The following ZNF592 variants were observed in gnomAD, a reference collection of about 807,000 sequenced individuals.
ZNF592 encodes spinocerebellar ataxia, autosomal recessive 5.
A neutral mutation model predicts 80.3 loss-of-function variants in ZNF592; 11 were observed. The ratio of observed to expected loss-of-function variants is 0.14; its 90% CI spans 0.09 to 0.23. ZNF592 has a LOEUF of 0.23. ZNF592 is among the 10% of genes least tolerant of loss of function. The pLI is 1.00. For missense variants in ZNF592, 1,420 were observed against 1,633.9 expected, an observed-to-expected ratio of 0.87 and a Z score of 2.26; for synonymous variants, 646 against 640.3, an observed-to-expected ratio of 1.01 and a Z score of -0.13.
chr15:84,798,021 C>G lies in ZNF592; in HGVS notation c.2552C>G (p.Pro851Arg), dbSNP rs1404021467. 1.9e-6 allele frequency: 3 copies of G among 1,614,024 alleles called. No homozygotes were observed. The Middle Eastern group carries it at 5.0e-4, about 266-fold the overall frequency. Residue 851 changes from proline to arginine, a missense_variant, in exon 6 of 11, where the codon CCC (proline) becomes CGC (arginine). By Grantham distance (103) the Pro-to-Arg change is moderately radical. Transcript: ENST00000560079. This position sits in a 1 kb window ranked among gnomAD's most constrained non-coding sequence, Gnocchi z 4.5. ...GCAGACCACAGTGCCACCCAGCACC[C>G]CACCCAGCCCCACAGACCCTCCCAG... ...STADHSATQH[P>R]TQPHRPSQLI...
At position 84,799,225 on chromosome 15, in the gene ZNF592, A is replaced by T. The variant is rs1567078236; in HGVS notation, c.3137+15A>T. 4.3e-6 allele frequency: 7 copies of T among 1,612,944 alleles called. No individual in the cohort carries two copies. The South Asian group carries it at 6.6e-5, about 15-fold the overall frequency. ...TACACCTGCGGGTGAGTCCCTGGGGATAGTAGTGAGGAGGCCTGAGGTTCA... is the reference window on the plus strand; with the variant it reads ...TACACCTGCGGGTGAGTCCCTGGGGTTAGTAGTGAGGAGGCCTGAGGTTCA... On this transcript the variant is annotated intron_variant, in intron 9 of 10. Transcript: ENST00000560079. The surrounding 1 kb of genome is among the most constrained non-coding windows in gnomAD (Gnocchi z 4.2).
intron 2 of ZNF592, among the ~76,000 whole-genome samples, chr15:84,777,914 AGT>A (rs1270401318): frequency 5.9e-5 from 9 of 151,886 alleles, no homozygotes; most frequent in Non-Finnish European, 1.2e-4. Flanking sequence ...GTTAGCCAGG[AGT>A]CTCCAACTCG....
rs1567077478 is a variant in ZNF592 at position 84,798,435 on chromosome 15, C to G, written c.2697C>G (p.Leu899=). 3.1e-6 allele frequency: 5 copies of G among 1,614,122 alleles called. No homozygotes were observed. Among genetic ancestry groups the G allele is most frequent in the Middle Eastern group, 1.6e-4 (1 of 6,062 alleles). ...VGVFKCPECP[L]LFVQKPELMQ... Reference sequence around the variant, plus strand: ...TCTTCAAGTGCCCTGAGTGCCCACTCTTGTTCGTGCAGAAGCCGGAGTTGA... The same window carrying G: ...TCTTCAAGTGCCCTGAGTGCCCACTGTTGTTCGTGCAGAAGCCGGAGTTGA... Residue 899 remains leucine (L), a synonymous_variant, in exon 7 of 11, where the codon CTC becomes CTG. Coordinates refer to ENST00000560079, the MANE Select transcript of ZNF592 (RefSeq NM_014630.3). This position sits in a 1 kb window ranked among gnomAD's most constrained non-coding sequence, Gnocchi z 4.5.
intron 10 of ZNF592, among the ~76,000 whole-genome samples, chr15:84,801,229 G>A (rs2141527890): frequency 6.6e-6 from 1 of 152,344 alleles, no homozygotes; most frequent in Middle Eastern, 3.4e-3. Flanking sequence ...GGAGGCTGAG[G>A]TGGGAGGATC....
intron 4 of ZNF592, among the ~76,000 whole-genome samples, chr15:84,788,038 G>A (rs12595321): frequency 0.42 from 63,515 of 151,860 alleles, 13,386 homozygotes; most frequent in East Asian, 0.55. Flanking sequence ...ACTTCCTCAT[G>A]CAGGGAATTT....
chr15:84,802,679 T>C lies in ZNF592; in HGVS notation c.*286T>C, dbSNP rs1038847437. The C allele has an allele frequency of 1.4e-5, 7 of 491,960 alleles. No homozygotes were observed. Among genetic ancestry groups the C allele is most frequent in the Non-Finnish European group, 2.2e-5 (6 of 268,648 alleles). 30.5% of individuals were successfully genotyped at this position (491,960 alleles called of 1,614,324 possible). A position where few individuals can be genotyped will look rare whatever the true frequency, so the allele number is the denominator to read the frequency against. The stretch of plus-strand genomic sequence containing the variant: ...TGTCCTTCCAACCCCAAGCTGCTTA[T>C]GTGGCCCAACCCCACTGCTGTCAAC... On this transcript the variant is annotated 3_prime_UTR_variant, in exon 11 of 11. Coordinates refer to ENST00000560079, the MANE Select transcript of ZNF592 (RefSeq NM_014630.3).
rs1345694967 is a variant in ZNF592 at position 84,783,270 on chromosome 15, C to G, written c.595C>G (p.His199Asp). 1 of 1,614,170 alleles carries G rather than the reference C, an allele frequency of 6.2e-7. No homozygotes were observed. The highest frequency in any genetic ancestry group is 1.3e-5 in the African/African-American group (1 of 75,038). The change falls in exon 4 of 11, where the codon CAT becomes GAT. Residue 199 changes from histidine (H) to aspartate (D), a missense_variant. Coordinates refer to ENST00000560079, the MANE Select transcript of ZNF592 (RefSeq NM_014630.3). The surrounding 1 kb of genome is among the most constrained non-coding windows in gnomAD (Gnocchi z 5.0). ...GGTTCCAGAGCTGCATATGTTTGAT[C>G]ATTTTTGTAAGAAAGAACCCAAGCC... ...FPVPELHMFD[H>D]FCKKEPKPEP...
intron 2 of ZNF592, 57 bp downstream of exon 2, chr15:84,764,872 G>GA: frequency 5.1e-6 from 2 of 392,026 alleles, no homozygotes; most frequent in Non-Finnish European, 8.9e-6. Flanking sequence ...TTGAACATGA[G>GA]ATTTTTTTGT....
chr15:84,756,415 C>T (rs1008954709), intron 1 of ZNF592, among the ~76,000 whole-genome samples: 2 of 152,196 alleles, frequency 1.3e-5, no homozygotes, highest in Non-Finnish European at 1.5e-5. Flanking sequence ...AGCCAAAGGG[C>T]AGAGTGAGAC....
chr15:84,761,262 G>C (rs771656243), intron 1 of ZNF592, among the ~76,000 whole-genome samples: 13 of 152,144 alleles, frequency 8.5e-5, no homozygotes, highest in Admixed American at 8.5e-4. Flanking sequence ...CACCATGCCC[G>C]GCCCAGGGAG....
chr15:84,772,682 C>T (rs1371974936), intron 2 of ZNF592, among the ~76,000 whole-genome samples: 2 of 152,198 alleles, frequency 1.3e-5, no homozygotes, highest in Non-Finnish European at 2.9e-5. Context: ...TGTGAAACAT[C>T]CATCCTTCCT....
chr15:84,802,001 G>C lies in ZNF592; in HGVS notation c.3412G>C (p.Glu1138Gln). The C allele has an allele frequency of 6.2e-7, 1 of 1,613,930 alleles. No homozygotes were observed. The highest frequency in any genetic ancestry group is 8.5e-7 in the Non-Finnish European group (1 of 1,179,864). ...KCSFATDSGL[E>Q]FQSHIPQHQV... ...TAGTTTTGCCACAGACTCGGGGCTCGAGTTTCAGAGCCACATACCTCAGCA... is the reference window on the plus strand; with the variant it reads ...TAGTTTTGCCACAGACTCGGGGCTCCAGTTTCAGAGCCACATACCTCAGCA... Residue 1138 changes from glutamate to glutamine, a missense_variant, in exon 11 of 11, where the codon GAG (glutamate) becomes CAG (glutamine). Coordinates refer to ENST00000560079, the MANE Select transcript of ZNF592 (RefSeq NM_014630.3).
Position 84,799,010 on chromosome 15 carries a change from C to T in ZNF592, c.3025-88C>T. 6.3e-7 allele frequency: 1 copy of T among 1,593,248 alleles called. No homozygotes were observed. Among genetic ancestry groups the T allele is most frequent in the Non-Finnish European group, 8.6e-7 (1 of 1,161,634 alleles). On this transcript the variant is annotated intron_variant, in intron 8 of 10. Coordinates refer to ENST00000560079, the MANE Select transcript of ZNF592 (RefSeq NM_014630.3). The surrounding 1 kb of genome is among the most constrained non-coding windows in gnomAD (Gnocchi z 4.2). ...TCTTGAGGTCTTCGGGAGTATCCTC[C>T]TTTCTGCCCATGGCATCTGAGAAGA...
intron 4 of ZNF592, among the ~76,000 whole-genome samples, chr15:84,788,057 A>G (rs28479670): frequency 0.018 from 2,767 of 152,090 alleles, 45 homozygotes; most frequent in African/African-American, 0.04. Flanking sequence ...TTTTTCCTCC[A>G]TATCCCATAT....
chr15:84,799,797 C>G lies in ZNF592; in HGVS notation c.3138-45C>G, dbSNP rs757232139. The G allele has an allele frequency of 1.9e-6, 3 of 1,611,704 alleles. No individual in the cohort carries two copies. Among genetic ancestry groups the G allele is most frequent in the Admixed American group, 3.3e-5 (2 of 60,020 alleles). On this transcript the variant is annotated intron_variant, in intron 9 of 10. Transcript: ENST00000560079. The surrounding 1 kb of genome is among the most constrained non-coding windows in gnomAD (Gnocchi z 4.2). The stretch of plus-strand genomic sequence containing the variant: ...TTGGTGTGAATAGCACTGAGGGAGC[C>G]TGCGGCCCGGGCACTTACCTGACCT...
intron 2 of ZNF592, among the ~76,000 whole-genome samples, chr15:84,777,104 AT>A (rs1297178553): frequency 6.6e-5 from 10 of 152,082 alleles, no homozygotes; most frequent in African/African-American, 2.2e-4. Flanking sequence ...AGCTCCTTAA[AT>A]TTTTTGGCCT....
chr15:84,758,997 T>C (rs1899265318), intron 1 of ZNF592, among the ~76,000 whole-genome samples: 2 of 152,164 alleles, frequency 1.3e-5, no homozygotes, highest in Admixed American at 1.3e-4. Flanking sequence ...GCCAATTCAG[T>C]TACAGTAGAT....
intron 1 of ZNF592, among the ~76,000 whole-genome samples, chr15:84,761,784 C>T (rs1055356487): frequency 2.0e-5 from 3 of 152,218 alleles, no homozygotes; most frequent in African/African-American, 7.2e-5. Flanking sequence ...TGAATCTGCA[C>T]ATATGCTAAG....
intron 5 of ZNF592, among the ~76,000 whole-genome samples, chr15:84,791,184 C>T (rs939873925): frequency 6.6e-6 from 1 of 152,192 alleles, no homozygotes; most frequent in Admixed American, 6.5e-5. Context: ...GTTTAATTTG[C>T]TCACCAAGTT....
Sources: gnomAD v4.1 joint callset for allele counts (sites outside exome capture counted in the v4.1 genomes callset) on GRCh38, gnomAD v4.1.1 for gene constraint, Gnocchi (gnomAD v3.1) non-coding constraint, MANE v1.5 for transcripts, NCBI Gene and HGNC (gene_info 2026-07-23, HGNC 2026-07-21) for gene names.